Variants in STRA6 observed in about 807,000 individuals in gnomAD.
The protein encoded by STRA6 is receptor for retinol uptake STRA6.
A neutral mutation model predicts 83.6 loss-of-function variants in STRA6; 48 were observed. The ratio of observed to expected loss-of-function variants is 0.57; its 90% CI spans 0.46 to 0.73. The LOEUF is 0.73. Ranked by LOEUF, STRA6 falls within the 30% of genes least tolerant of loss-of-function variation. STRA6 has a pLI of 0.00. For missense variants in STRA6, 760 were observed against 838.8 expected, an observed-to-expected ratio of 0.91 and a Z score of 1.16; for synonymous variants, 353 against 362.3, an observed-to-expected ratio of 0.97 and a Z score of 0.29.
upstream of STRA6, among the ~76,000 whole-genome samples, chr15:74,211,393 C>CTTTTTTTT (rs34963230): frequency 1.2e-4 from 9 of 73,902 alleles, no homozygotes; most frequent in Non-Finnish European, 2.0e-4. Flanking sequence ...CTGCCCCTGG[C>CTTTTTTTT]TTTTTTTTTT....
At chr15:74,191,283 A>C in intron 9 of STRA6, 40 bp from the exon 10 acceptor site, 1 of 1,611,696 alleles carries the variant, frequency 6.2e-7, no homozygotes, top group Non-Finnish European at 8.5e-7. Context: ...CCTCAGGGGA[A>C]GCCCATTCCC....
chr15:74,182,041 C>T (rs1182781927), intron 16 of STRA6, 120 bp downstream of exon 16: 4 of 901,132 alleles, frequency 4.4e-6, no homozygotes, highest in Non-Finnish European at 7.2e-6. Context: ...TTTCTACTAT[C>T]ATCTGGGTTC....
chr15:74,199,737 T>C (rs964658059), intron 2 of STRA6, among the ~76,000 whole-genome samples: 3 of 152,084 alleles, frequency 2.0e-5, no homozygotes, highest in Non-Finnish European at 2.9e-5. Flanking sequence ...GGCATAGAAA[T>C]GAGCAAATAT....
rs147654497 is a variant in STRA6 at position 74,192,076 on chromosome 15, C to T, written c.721-585G>A. On this transcript the variant is annotated intron_variant, in intron 8 of 18. Transcript: ENST00000395105. ...TCACTGGGAGAACACAGGCTGTTGTCACTTGTTGCCATGACAACCCTGGGA... is the reference window on the plus strand; with the variant it reads ...TCACTGGGAGAACACAGGCTGTTGTTACTTGTTGCCATGACAACCCTGGGA... The T allele has an allele frequency of 4.5e-3, 749 of 164,892 alleles. 6 individuals carry two copies. The highest frequency in any genetic ancestry group is 0.017 in the African/African-American group (698 of 41,738). The allele number at this position is 164,892 out of a possible 1,614,324, so 10.2% of individuals were successfully genotyped here. A position where few individuals can be genotyped will look rare whatever the true frequency, so the allele number is the denominator to read the frequency against.
upstream of STRA6, chr15:74,207,615 G>C (rs351222): frequency 0.39 from 521,395 of 1,332,430 alleles, 106,359 homozygotes; most frequent in South Asian, 0.59. Flanking sequence ...TCAAACCTCA[G>C]GTACACCCCC....
rs145406846 is a variant in STRA6, at chr15:74,180,264, G to A, written c.1841-21C>T. The A allele has an allele frequency of 5.9e-4, 956 of 1,613,970 alleles. 7 individuals are homozygous for A. The African/African-American group carries it at 0.012, about 20-fold the overall frequency. ...CATCCCTGAGAGAGACGGACTTTCT[G>A]TGAGTCACTCAGCAAACACCCAGCC... On this transcript the variant is annotated intron_variant, in intron 18 of 18. Coordinates refer to ENST00000395105, the MANE Select transcript of STRA6 (RefSeq NM_022369.4).
At chr15:74,198,931 G>T (rs1006979625) in intron 2 of STRA6, among the ~76,000 whole-genome samples, 5 of 152,228 alleles carry the variant, frequency 3.3e-5, no homozygotes, top group African/African-American at 1.2e-4. Context: ...TGGAGAAAGG[G>T]AGTGAGGCAG....
intron 8 of STRA6, among the ~76,000 whole-genome samples, chr15:74,193,170 C>T (rs1221933664): frequency 6.6e-6 from 1 of 152,170 alleles, no homozygotes; most frequent in Non-Finnish European, 1.5e-5. Flanking sequence ...TGCTGAGTAT[C>T]TATTAAGGGC....
chr15:74,194,595 T>A, intron 7 of STRA6: 1 of 507,836 alleles, frequency 2.0e-6, no homozygotes, highest in Middle Eastern at 6.0e-4. Context: ...CCACCTGGCA[T>A]CATTTTGTTT....
intron 2 of STRA6, 69 bp from the exon 3 acceptor site, chr15:74,197,887 T>G: frequency 6.6e-7 from 1 of 1,507,260 alleles, no homozygotes. Flanking sequence ...GGGTCTGGGG[T>G]TCAAGACTGT....
chr15:74,199,259 T>C (rs896681130), intron 2 of STRA6, among the ~76,000 whole-genome samples: 5 of 152,222 alleles, frequency 3.3e-5, no homozygotes, highest in African/African-American at 1.2e-4. Flanking sequence ...TCTGTCCTGC[T>C]CGCTTTCTCT....
intron 3 of STRA6, 149 bp from the exon 4 acceptor site, chr15:74,197,572 A>G: frequency 9.3e-7 from 1 of 1,079,996 alleles, no homozygotes; most frequent in Non-Finnish European, 1.4e-6. Flanking sequence ...GGGGTGACAG[A>G]CATCTGGAAG....
At chr15:74,206,668 C>G (rs927855028), upstream of STRA6, among the ~76,000 whole-genome samples, 1 of 152,186 alleles carries the variant, frequency 6.6e-6, no homozygotes, top group Non-Finnish European at 1.5e-5. Context: ...ATGGCTTGGG[C>G]AGTCTTGCAG....
chr15:74,195,248 G>A (rs879445355), intron 7 of STRA6, 54 bp downstream of exon 7: 41 of 1,598,142 alleles, frequency 2.6e-5, no homozygotes, highest in Non-Finnish European at 3.5e-5. Context: ...ACTGTGGTTT[G>A]AGTAGGTTGC....
rs768399352 is a variant in STRA6, at chr15:74,182,418, G to A, written c.1343C>T (p.Ala448Val). 4.8e-5 allele frequency: 78 copies of A among 1,612,478 alleles called. No homozygotes were observed. The highest frequency in any genetic ancestry group is 6.6e-5 in the Non-Finnish European group (78 of 1,179,316). The change falls in exon 15 of 19, where the codon GCC becomes GTC. Residue 448 changes from alanine to valine, a missense_variant. By Grantham distance (64) the Ala-to-Val change is moderately conservative. Coordinates refer to ENST00000395105, the MANE Select transcript of STRA6 (RefSeq NM_022369.4). ...QQIIFFLGTTALAFLVLMPVL... is the reference protein window; with the variant it reads ...QQIIFFLGTTVLAFLVLMPVL... ...AGGCATGAGCACCAGGAAGGCCAGGGCCGTGGTTCCCAGGAAGAAGATGAT... is the reference window on the plus strand; with the variant it reads ...AGGCATGAGCACCAGGAAGGCCAGGACCGTGGTTCCCAGGAAGAAGATGAT...
chr15:74,195,966 A>C, intron 5 of STRA6, 42 bp downstream of exon 5: 1 of 1,612,254 alleles, frequency 6.2e-7, no homozygotes, highest in Non-Finnish European at 8.5e-7. Flanking sequence ...ACCCTACCCC[A>C]TCCCATCACA....
intron 17 of STRA6, 102 bp from the exon 18 acceptor site, chr15:74,181,039 T>A: frequency 6.6e-7 from 1 of 1,521,026 alleles, no homozygotes; most frequent in Non-Finnish European, 9.0e-7. Flanking sequence ...GTGCACTCCC[T>A]GCATCCAAGC....
upstream of STRA6, among the ~76,000 whole-genome samples, chr15:74,206,130 C>T (rs936924261): frequency 1.3e-5 from 2 of 152,206 alleles, no homozygotes; most frequent in South Asian, 4.1e-4. Flanking sequence ...GCCCCCGTCC[C>T]TGCACACCAG....
rs543577376 is a variant in STRA6, at chr15:74,208,692, CT to C, written c.-16+107del. On this transcript the variant is annotated intron_variant, in intron 1 of 18. Coordinates refer to the STRA6 transcript ENST00000323940. Reference sequence around the variant, plus strand: ...CCATCACTCTGCTCACTTCCTGCCCCTAGGCTCTGACTCCTGCTCACTTCCC... The same window carrying C: ...CCATCACTCTGCTCACTTCCTGCCCCAGGCTCTGACTCCTGCTCACTTCCC... 9.3e-4 allele frequency: 920 copies of C among 986,696 alleles called. 3 individuals carry two copies. The highest frequency in any genetic ancestry group is 7.8e-3 in the South Asian group (166 of 21,320). 61.1% of individuals were successfully genotyped at this position (986,696 alleles called of 1,614,324 possible).
Sources: gnomAD v4.1 joint callset for allele counts (sites outside exome capture counted in the v4.1 genomes callset) on GRCh38, gnomAD v4.1.1 for gene constraint, MANE v1.5 for transcripts, NCBI Gene and HGNC (gene_info 2026-07-23, HGNC 2026-07-21) for gene names.